Variants in SHISA9 observed in about 807,000 individuals in gnomAD.
SHISA9 encodes the protein protein shisa-9.
SHISA9 carries 13 observed loss-of-function variants against 38.0 expected under a neutral mutation model. The ratio of observed to expected loss-of-function variants is 0.34; its 90% CI spans 0.22 to 0.54. The LOEUF is 0.54. Ranked by LOEUF, SHISA9 falls within the 20% of genes least tolerant of loss-of-function variation. The probability of loss-of-function intolerance (pLI) is 0.91; values close to 1 mark genes in which losing one functional copy is unlikely to be tolerated. For missense variants in SHISA9, 538 were observed against 575.8 expected (o/e 0.93, Z 0.67); for synonymous variants, 275 against 242.0 (o/e 1.14, Z -1.27).
chr16:13,500,597 A>C, the SHISA9 span, among the ~76,000 whole-genome samples: 3 of 118,412 alleles, frequency 2.5e-5, no homozygotes, highest in Non-Finnish European at 5.0e-5. Flanking sequence ...AAAAAGACAG[A>C]GTGGAGTGTG....
chr16:13,491,302 A>T, the SHISA9 span, among the ~76,000 whole-genome samples: 298 of 152,246 alleles, frequency 2.0e-3, 2 homozygotes, highest in African/African-American at 6.7e-3. Context: ...TAGCCACAAA[A>T]CTAGAAAACA....
At chr16:13,229,876 T>C (rs746558569) in intron 4 of SHISA9, among the ~76,000 whole-genome samples, 24 of 152,204 alleles carry the variant, frequency 1.6e-4, no homozygotes, top group Non-Finnish European at 2.9e-4. Context: ...CTGGTGCTAA[T>C]GAAGGGGATA....
intron 2 of SHISA9, among the ~76,000 whole-genome samples, chr16:13,068,910 G>T (rs539746421): frequency 2.6e-5 from 4 of 152,176 alleles, no homozygotes; most frequent in Admixed American, 6.5e-5. Context: ...GTGTATGTGT[G>T]TATGTGTATA....
chr16:13,238,814 AT>A lies in SHISA9; in HGVS notation c.*3408del, dbSNP rs1200941402. Reference sequence around the variant, plus strand: ...TTTTTTTTTAATGTATCCATGGAGTATTTATTATTATTATTATTATTATTAT... The same window carrying A: ...TTTTTTTTTAATGTATCCATGGAGTATTATTATTATTATTATTATTATTAT... On this transcript the variant is annotated 3_prime_UTR_variant, in exon 5 of 5. Coordinates refer to ENST00000558583, the MANE Select transcript of SHISA9 (RefSeq NM_001145204.3). 1.7e-4 allele frequency: 15 copies of A among 90,448 alleles called. No homozygotes were observed. Among genetic ancestry groups the A allele is most frequent in the African/African-American group, 5.8e-4 (14 of 24,274 alleles). The allele number at this position is 90,448 out of a possible 1,614,324, so 5.6% of individuals were successfully genotyped here.
At chr16:13,498,238 TAAAC>T in the SHISA9 span, among the ~76,000 whole-genome samples, 46 of 152,064 alleles carry the variant, frequency 3.0e-4, no homozygotes, top group African/African-American at 1.1e-3. Context: ...ATTATTCAGA[TAAAC>T]AAAAATTTTT....
intron 2 of SHISA9, among the ~76,000 whole-genome samples, chr16:13,143,365 C>T (rs529224420): frequency 5.1e-4 from 78 of 152,224 alleles, no homozygotes; most frequent in African/African-American, 1.7e-3. Flanking sequence ...CCTAACACCA[C>T]GGTGTACCAA....
chr16:13,225,242 C>T (rs749369591), intron 4 of SHISA9, among the ~76,000 whole-genome samples: 1 of 152,170 alleles, frequency 6.6e-6, no homozygotes, highest in Non-Finnish European at 1.5e-5. Flanking sequence ...GATCCTCTAG[C>T]AGAGCCTTCA....
chr16:13,492,721 T>A, the SHISA9 span, among the ~76,000 whole-genome samples: 1 of 152,176 alleles, frequency 6.6e-6, no homozygotes, highest in Non-Finnish European at 1.5e-5. Context: ...AAACAATACT[T>A]TGGTTGGGGC....
the SHISA9 span, among the ~76,000 whole-genome samples, chr16:13,415,671 T>A: frequency 4.3e-4 from 65 of 152,326 alleles, 1 homozygote; most frequent in Non-Finnish European, 2.9e-5. Context: ...AGCCTAAGAT[T>A]GTGCTAATAT....
intron 2 of SHISA9, among the ~76,000 whole-genome samples, chr16:13,005,004 A>G (rs2072580529): frequency 7.9e-6 from 1 of 126,096 alleles, no homozygotes; most frequent in South Asian, 2.6e-4. Flanking sequence ...TATAGCTGCA[A>G]TCCATAGAAC....
intron 1 of SHISA9, among the ~76,000 whole-genome samples, 165 bp from the exon 2 acceptor site, chr16:12,916,523 A>G (rs541156179): frequency 6.6e-6 from 1 of 152,354 alleles, no homozygotes; most frequent in Admixed American, 6.5e-5. Flanking sequence ...CTCTAATTAC[A>G]GTGATTTTAT....
the SHISA9 span, among the ~76,000 whole-genome samples, chr16:13,497,704 A>G: frequency 1.3e-5 from 2 of 151,614 alleles, no homozygotes; most frequent in African/African-American, 4.8e-5. Context: ...AAAAAAAAGA[A>G]AAAAGAAAAA....
chr16:12,960,025 G>A (rs11647732), intron 2 of SHISA9, among the ~76,000 whole-genome samples: 29,355 of 152,162 alleles, frequency 0.19, 3,481 homozygotes, highest in Middle Eastern at 0.35. Flanking sequence ...TTGGAACTAC[G>A]CATTTCCTTT....
intron 2 of SHISA9, among the ~76,000 whole-genome samples, chr16:13,033,417 C>A (rs1040812515): frequency 6.6e-6 from 1 of 152,180 alleles, no homozygotes; most frequent in Non-Finnish European, 1.5e-5. Context: ...GATTCTATTT[C>A]CTACTCTGTG....
At chr16:13,365,720 A>G in the SHISA9 span, among the ~76,000 whole-genome samples, 1 of 152,070 alleles carries the variant, frequency 6.6e-6, no homozygotes, top group African/African-American at 2.4e-5. Flanking sequence ...TGGCCTCCCA[A>G]AGTGCTGGGA....
chr16:13,527,630 C>G, the SHISA9 span, among the ~76,000 whole-genome samples: 4 of 152,136 alleles, frequency 2.6e-5, no homozygotes, highest in African/African-American at 9.7e-5. Flanking sequence ...CAAACACACT[C>G]AGAGAAGTTC....
chr16:13,376,120 A>G, the SHISA9 span, among the ~76,000 whole-genome samples: 2 of 152,220 alleles, frequency 1.3e-5, no homozygotes, highest in African/African-American at 2.4e-5. Context: ...ATGAAATACC[A>G]CACAATGACT....
intron 2 of SHISA9, among the ~76,000 whole-genome samples, chr16:13,116,114 G>C (rs2074028630): frequency 6.6e-6 from 1 of 152,124 alleles, no homozygotes; most frequent in African/African-American, 2.4e-5. Context: ...AGCTTGGATA[G>C]CTCCTTACTT....
chr16:12,907,605 G>A (rs187137898), intron 1 of SHISA9, among the ~76,000 whole-genome samples: 9 of 152,002 alleles, frequency 5.9e-5, no homozygotes, highest in African/African-American at 1.9e-4. Context: ...TTTCTCACTC[G>A]CACAAAAACA....
Sources: allele counts gnomAD v4.1 joint callset (sites outside exome capture counted in the v4.1 genomes callset), GRCh38; gene constraint gnomAD v4.1.1; transcripts MANE v1.5; gene names NCBI Gene and HGNC (gene_info 2026-07-23, HGNC 2026-07-21).